Variants in ADGB observed in about 807,000 individuals in gnomAD.
ADGB encodes the protein androglobin.
A neutral mutation model predicts 210.5 loss-of-function variants in ADGB; 172 were observed. That is an observed-to-expected ratio of 0.82 (90% CI 0.72 to 0.93). ADGB has a LOEUF of 0.93. ADGB is among the 40% of genes least tolerant of loss of function. ADGB has a pLI of 0.00. For synonymous variants in ADGB, 658 were observed against 662.7 expected (o/e 0.99, Z 0.11); for missense variants, 2,025 against 1,964.8 (o/e 1.03, Z -0.58).
At chr6:146,658,372 G>A (rs116173097) in intron 5 of ADGB, among the ~76,000 whole-genome samples, 3,390 of 152,038 alleles carry the variant, frequency 0.022, 113 homozygotes, top group African/African-American at 0.078. Flanking sequence ...CAAGCAGAAG[G>A]GTGATATTAA....
At chr6:146,740,724 C>A in intron 24 of ADGB, 131 bp downstream of exon 24, 2 of 837,866 alleles carry the variant, frequency 2.4e-6, no homozygotes, top group Non-Finnish European at 3.5e-6. Context: ...TTCTTCCACA[C>A]TTGGCATTTT....
intron 10 of ADGB, among the ~76,000 whole-genome samples, chr6:146,686,705 G>A (rs961627954): frequency 6.6e-6 from 1 of 152,108 alleles, no homozygotes; most frequent in Non-Finnish European, 1.5e-5. Context: ...TTAAACAAAT[G>A]CCCTACTGCT....
At chr6:146,719,564 A>G (rs1258543414) in intron 16 of ADGB, among the ~76,000 whole-genome samples, 1 of 152,172 alleles carries the variant, frequency 6.6e-6, no homozygotes, top group Non-Finnish European at 1.5e-5. Flanking sequence ...TCCAGACCTT[A>G]GTGGCCTGCC....
At chr6:146,682,204 G>A (rs910735620) in intron 9 of ADGB, among the ~76,000 whole-genome samples, 28 of 152,022 alleles carry the variant, frequency 1.8e-4, no homozygotes, top group Admixed American at 5.9e-4. Flanking sequence ...GGTTCAGACA[G>A]TAAATGTCTA....
chr6:146,712,912 C>G (rs1001595335), intron 13 of ADGB, among the ~76,000 whole-genome samples: 2 of 151,838 alleles, frequency 1.3e-5, no homozygotes, highest in African/African-American at 4.8e-5. Context: ...TTCTGATTCT[C>G]CCCTCCCCCC....
chr6:146,791,901 G>A (rs1777961016), intron 33 of ADGB, among the ~76,000 whole-genome samples: 1 of 150,370 alleles, frequency 6.7e-6, no homozygotes, highest in Non-Finnish European at 1.5e-5. Context: ...GAGACTACAG[G>A]CATGTGCCAC....
intron 13 of ADGB, among the ~76,000 whole-genome samples, chr6:146,708,079 A>T (rs186540976): frequency 1.3e-5 from 2 of 152,218 alleles, no homozygotes; most frequent in East Asian, 3.9e-4. Context: ...TTGATCGCAT[A>T]CAAAAACTCT....
chr6:146,664,477 A>T (rs557955995), intron 6 of ADGB, 137 bp downstream of exon 6: 2 of 845,722 alleles, frequency 2.4e-6, no homozygotes, highest in African/African-American at 3.5e-5. Flanking sequence ...ATGCTCTAGT[A>T]TAAAATCAAA....
intron 13 of ADGB, among the ~76,000 whole-genome samples, chr6:146,704,103 AT>A (rs1776533564): frequency 6.6e-6 from 1 of 151,920 alleles, no homozygotes; most frequent in African/African-American, 2.4e-5. Flanking sequence ...GGCCATTTGT[AT>A]GTCTTCTCCT....
At chr6:146,644,495 C>G (rs1775576501) in intron 2 of ADGB, among the ~76,000 whole-genome samples, 1 of 151,880 alleles carries the variant, frequency 6.6e-6, no homozygotes, top group Admixed American at 6.6e-5. Context: ...CACAGCATCT[C>G]ATGCTTGTTT....
In ADGB at chr6:146,752,713, G is replaced by C; in HGVS notation, c.3549G>C (p.Gln1183His). Reference sequence around the variant, plus strand: ...AGAGTGAGAAAGGTTTGAGCTCCCAGTGTAAGTGTACCTTTATGAACAGGA... The same window carrying C: ...AGAGTGAGAAAGGTTTGAGCTCCCACTGTAAGTGTACCTTTATGAACAGGA... ...FLKSEKGLSSQSSKHILSFHS... is the reference protein window; with the variant it reads ...FLKSEKGLSSHSSKHILSFHS... The change falls in exon 27 of 36, where the codon CAG becomes CAC. Residue 1183 changes from glutamine (Q) to histidine (H), a missense_variant and splice_region_variant. Gln to His is a conservative substitution (Grantham distance 24, BLOSUM62 0). Coordinates refer to ENST00000397944, the MANE Select transcript of ADGB (RefSeq NM_024694.4). 1.3e-6 allele frequency: 2 copies of C among 1,547,818 alleles called. No individual in the cohort carries two copies. The highest frequency in any genetic ancestry group is 1.7e-6 in the Non-Finnish European group (2 of 1,145,216).
intron 1 of ADGB, among the ~76,000 whole-genome samples, chr6:146,604,494 G>A (rs1477799312): frequency 6.6e-6 from 1 of 152,064 alleles, no homozygotes; most frequent in Non-Finnish European, 1.5e-5. Context: ...CTCCCTGGGA[G>A]TGGGTGGAGG....
intron 35 of ADGB, 52 bp from the exon 36 acceptor site, chr6:146,814,980 C>A: frequency 6.8e-7 from 1 of 1,477,124 alleles, no homozygotes; most frequent in Non-Finnish European, 9.0e-7. Context: ...TTTCTGGGAA[C>A]ATAAGCCTTT....
intron 28 of ADGB, among the ~76,000 whole-genome samples, chr6:146,767,947 A>G (rs1458593067): frequency 6.7e-6 from 1 of 150,016 alleles, no homozygotes; most frequent in East Asian, 1.9e-4. Flanking sequence ...CACCGGCACT[A>G]TGCATTAGAC....
chr6:146,725,942 C>T, intron 18 of ADGB, 141 bp from the exon 19 acceptor site: 1 of 543,752 alleles, frequency 1.8e-6, no homozygotes, highest in East Asian at 2.9e-5. Flanking sequence ...TTCAAAGATC[C>T]TTATCTCATC....
intron 10 of ADGB, among the ~76,000 whole-genome samples, chr6:146,689,477 T>C (rs891738995): frequency 3.9e-5 from 6 of 152,190 alleles, no homozygotes; most frequent in African/African-American, 1.4e-4. Flanking sequence ...TAGGTGCTAA[T>C]ACTGGAATTT....
intron 13 of ADGB, among the ~76,000 whole-genome samples, chr6:146,712,714 A>C (rs1225245804): frequency 6.6e-6 from 1 of 151,924 alleles, no homozygotes; most frequent in Non-Finnish European, 1.5e-5. Context: ...CATTTATTTT[A>C]ATATATTTAT....
chr6:146,802,223 A>T, intron 35 of ADGB: 1 of 288,786 alleles, frequency 3.5e-6, no homozygotes, highest in East Asian at 6.3e-5. Flanking sequence ...CAGTATTGGG[A>T]ATCTATCCTC....
intron 6 of ADGB, among the ~76,000 whole-genome samples, chr6:146,664,745 A>G (rs1029975695): frequency 6.6e-6 from 1 of 152,086 alleles, no homozygotes; most frequent in African/African-American, 2.4e-5. Context: ...TAATTTACTA[A>G]TCTTGAAAAA....
Sources: gnomAD v4.1 joint callset for allele counts (sites outside exome capture counted in the v4.1 genomes callset) on GRCh38, gnomAD v4.1.1 for gene constraint, MANE v1.5 for transcripts, NCBI Gene and HGNC (gene_info 2026-07-23, HGNC 2026-07-21) for gene names.